Variants in OCA2 observed in about 807,000 individuals in gnomAD.
OCA2 encodes the protein P protein.
Under a neutral mutation model 100.2 loss-of-function variants are expected in OCA2, and 77 were observed. The observed-to-expected ratio is 0.77, with a 90% confidence interval of 0.64 to 0.93. The LOEUF is 0.93. Ranked by LOEUF, OCA2 falls within the 40% of genes least tolerant of loss-of-function variation. The pLI, the probability that OCA2 is intolerant of heterozygous loss-of-function variation, is 0.00. For synonymous variants in OCA2, 432 were observed against 439.2 expected (o/e 0.98, Z 0.21); for missense variants, 1,062 against 1,089.1 (o/e 0.98, Z 0.35).
the OCA2 span, among the ~76,000 whole-genome samples, chr15:27,741,541 G>C: frequency 2.0e-5 from 3 of 152,230 alleles, no homozygotes; most frequent in African/African-American, 7.2e-5. Flanking sequence ...ACAGAATCCT[G>C]AGTACGGTTG....
At chr15:28,092,969 A>G (rs1325236241) in intron 1 of OCA2, among the ~76,000 whole-genome samples, 1 of 152,156 alleles carries the variant, frequency 6.6e-6, no homozygotes, top group Non-Finnish European at 1.5e-5. Context: ...CACCACTCCT[A>G]AACAATTTTC....
intron 23 of OCA2, among the ~76,000 whole-genome samples, chr15:27,839,933 G>T: frequency 6.6e-6 from 1 of 151,982 alleles, no homozygotes. Flanking sequence ...TAAATAAAAA[G>T]ATTCTTCAAA....
chr15:27,853,541 T>G, intron 21 of OCA2, among the ~76,000 whole-genome samples: 1 of 149,500 alleles, frequency 6.7e-6, no homozygotes, highest in African/African-American at 2.5e-5. Flanking sequence ...ACCTGCACAA[T>G]GTGCACATGT....
chr15:27,944,026 G>C (rs1207293018), intron 18 of OCA2, among the ~76,000 whole-genome samples: 2 of 152,184 alleles, frequency 1.3e-5, no homozygotes, highest in African/African-American at 4.8e-5. Flanking sequence ...CCTCAGAATA[G>C]ATCTCTTCAA....
At chr15:27,991,197 T>G (rs2041545297) in intron 9 of OCA2, among the ~76,000 whole-genome samples, 1 of 152,204 alleles carries the variant, frequency 6.6e-6, no homozygotes, top group South Asian at 2.1e-4. Context: ...CTAGTGGGAA[T>G]GTAAAATGGG....
chr15:27,990,492 C>A lies in OCA2; in HGVS notation c.1116+84G>T, dbSNP rs545359549. On this transcript the variant is annotated intron_variant, in intron 10 of 23. Transcript: ENST00000354638. ...CGTGGCATATAAAATAGTGAAAAAA[C>A]CAGCGAAAGCCTGAATCCTGGAACA... 116 of 1,376,216 alleles carry A rather than the reference C, an allele frequency of 8.4e-5. 1 individual carries two copies. In the Middle Eastern group the frequency reaches 1.2e-3, roughly 15 times the overall value. The allele number at this position is 1,376,216 out of a possible 1,614,324, so 85.3% of individuals were successfully genotyped here. A position where few individuals can be genotyped will look rare whatever the true frequency, so the allele number is the denominator to read the frequency against.
intron 1 of OCA2, among the ~76,000 whole-genome samples, chr15:28,096,145 C>G (rs1186715072): frequency 1.3e-5 from 2 of 148,972 alleles, no homozygotes; most frequent in Admixed American, 1.3e-4. Flanking sequence ...GTCGTGTCTC[C>G]GGGAGGTGGC....
At chr15:27,785,670 G>C (rs542656144) in intron 23 of OCA2, among the ~76,000 whole-genome samples, 3 of 152,280 alleles carry the variant, frequency 2.0e-5, no homozygotes, top group Admixed American at 2.0e-4. Flanking sequence ...GGCCACTATG[G>C]AAGACAGTAT....
At chr15:27,803,863 T>A (rs79601704) in intron 23 of OCA2, among the ~76,000 whole-genome samples, 3 of 152,196 alleles carry the variant, frequency 2.0e-5, no homozygotes, top group African/African-American at 7.2e-5. Context: ...AGAGTTCTCA[T>A]ACACTGCTGG....
At position 27,885,576 on chromosome 15, in the gene OCA2, T is replaced by C. The variant is rs371801140; in HGVS notation, c.2080-13654A>G. Among the ~76,000 whole-genome samples the C allele has an allele frequency of 1.5e-3, 224 of 152,384 alleles. 2 individuals are homozygous for C. Among genetic ancestry groups the C allele is most frequent in the South Asian group, 9.5e-3 (46 of 4,826 alleles). On this transcript the variant is annotated intron_variant, in intron 19 of 23. Coordinates refer to ENST00000354638, the MANE Select transcript of OCA2 (RefSeq NM_000275.3). ...TTAAATATCCTCACAAGAAGCCTTC[T>C]TAGGTGAATCCATGTGAGAACCACT... is the stretch of plus-strand genomic sequence containing the variant.
chr15:27,900,921 G>A (rs935081525), intron 19 of OCA2, among the ~76,000 whole-genome samples: 18 of 152,318 alleles, frequency 1.2e-4, no homozygotes, highest in African/African-American at 4.1e-4. Context: ...TATCTGAAGT[G>A]GTGGCAGAGG....
At chr15:27,818,123 C>T (rs910832615) in intron 23 of OCA2, among the ~76,000 whole-genome samples, 2 of 152,190 alleles carry the variant, frequency 1.3e-5, no homozygotes, top group Non-Finnish European at 2.9e-5. Flanking sequence ...GGCATGGTGG[C>T]TCACACCTGT....
Position 27,938,771 on chromosome 15 carries a change from G to A in OCA2, c.1952-12517C>T, listed in dbSNP as rs541844806. On this transcript the variant is annotated intron_variant, in intron 18 of 23. Coordinates refer to ENST00000354638, the MANE Select transcript of OCA2 (RefSeq NM_000275.3). ...ACTCACATTGTCAGAGAAAGACAGTGGCAGGCTGAGCTCCCGGGATGGACT... is the reference window on the plus strand; with the variant it reads ...ACTCACATTGTCAGAGAAAGACAGTAGCAGGCTGAGCTCCCGGGATGGACT... Among the ~76,000 whole-genome samples the A allele has an allele frequency of 2.0e-5, 3 of 152,288 alleles. No individual in the cohort carries two copies. The South Asian group carries it at 6.2e-4, about 32-fold the overall frequency.
chr15:27,973,230 TG>T (rs1453370851), intron 14 of OCA2, among the ~76,000 whole-genome samples: 2 of 152,286 alleles, frequency 1.3e-5, no homozygotes, highest in African/African-American at 4.8e-5. Flanking sequence ...CATTTGTTTT[TG>T]GGGTCTTTGT....
intron 19 of OCA2, among the ~76,000 whole-genome samples, chr15:27,925,486 T>A (rs2039010862): frequency 6.6e-6 from 1 of 152,018 alleles, no homozygotes; most frequent in African/African-American, 2.4e-5. Context: ...AACCCATAAG[T>A]CAAAAAAAGA....
At chr15:27,745,937 C>T in the OCA2 span, among the ~76,000 whole-genome samples, 4 of 152,166 alleles carry the variant, frequency 2.6e-5, no homozygotes, top group Admixed American at 2.6e-4. Context: ...TTCAAGTTGT[C>T]CCACCTTTCT....
chr15:27,768,587 C>G (rs2031469604), intron 23 of OCA2, among the ~76,000 whole-genome samples: 1 of 152,182 alleles, frequency 6.6e-6, no homozygotes, highest in South Asian at 2.1e-4. Flanking sequence ...GTAACTGCAG[C>G]TAATCTGAGT....
chr15:27,893,392 A>T (rs2037547425), intron 19 of OCA2, among the ~76,000 whole-genome samples: 1 of 152,216 alleles, frequency 6.6e-6, no homozygotes, highest in Admixed American at 6.5e-5. Flanking sequence ...AAAGTACAGA[A>T]TAACAGCGAT....
At chr15:27,986,299 T>C (rs945360473) in intron 12 of OCA2, among the ~76,000 whole-genome samples, 2 of 152,232 alleles carry the variant, frequency 1.3e-5, no homozygotes, top group Non-Finnish European at 2.9e-5. Context: ...AAAACAATTT[T>C]TGATGTGTAG....
Sources: gnomAD v4.1 joint callset for allele counts (sites outside exome capture counted in the v4.1 genomes callset) on GRCh38, gnomAD v4.1.1 for gene constraint, MANE v1.5 for transcripts, NCBI Gene and HGNC (gene_info 2026-07-23, HGNC 2026-07-21) for gene names.